The following ZFYVE28 variants were observed in gnomAD, a reference collection of about 807,000 sequenced individuals.
The protein encoded by ZFYVE28 is lateral signaling target protein 2 homolog.
Under a neutral mutation model 82.1 loss-of-function variants are expected in ZFYVE28, and 40 were observed. That is an observed-to-expected ratio of 0.49 (90% CI 0.38 to 0.63). The LOEUF is 0.63. Ranked by LOEUF, ZFYVE28 falls within the 30% of genes least tolerant of loss-of-function variation. ZFYVE28 has a pLI of 0.00. For synonymous variants in ZFYVE28, 612 were observed against 546.1 expected (o/e 1.12, Z -1.68); for missense variants, 1,321 against 1,242.1 (o/e 1.06, Z -0.96).
rs1184707470 is a variant in ZFYVE28, at chr4:2,348,627, C to T, written c.180+5306G>A. On this transcript the variant is annotated intron_variant, in intron 2 of 12. Transcript: ENST00000290974. ...TGCAGGAGTAATTTTTTTTAACATTCAAAAATCAATCAATGTATGCTTATG... is the reference window on the plus strand; with the variant it reads ...TGCAGGAGTAATTTTTTTTAACATTTAAAAATCAATCAATGTATGCTTATG... Among the ~76,000 whole-genome samples the T allele has an allele frequency of 3.3e-5, 5 of 152,080 alleles. No homozygotes were observed. The East Asian group carries it at 9.6e-4, about 29-fold the overall frequency.
intron 2 of ZFYVE28, among the ~76,000 whole-genome samples, chr4:2,347,534 T>A (rs1433223327): frequency 6.6e-6 from 1 of 152,152 alleles, no homozygotes; most frequent in African/African-American, 2.4e-5. Flanking sequence ...CAAGCCTCAA[T>A]ACGTGTAAAA....
rs1347627190 is a variant in ZFYVE28 at position 2,304,487 on chromosome 4, T to C, written c.1853A>G (p.Glu618Gly). Residue 618 changes from glutamate (E) to glycine (G), a missense_variant, in exon 8 of 13, where the codon GAA becomes GGA. Coordinates refer to ENST00000290974, the MANE Select transcript of ZFYVE28 (RefSeq NM_020972.3). ...ERQEEAPPPS[E>G]DASNGREPKA... ...GGGCTCCCGCCCGTTGGAGGCATCTTCTGAGGGTGGGGGCGCCTCCTCCTG... is the reference window on the plus strand; with the variant it reads ...GGGCTCCCGCCCGTTGGAGGCATCTCCTGAGGGTGGGGGCGCCTCCTCCTG... 6.2e-7 allele frequency: 1 copy of C among 1,613,146 alleles called. No homozygotes were observed. The highest frequency in any genetic ancestry group is 8.5e-7 in the Non-Finnish European group (1 of 1,179,778).
At chr4:2,340,987 G>A (rs1444118738) in intron 3 of ZFYVE28, among the ~76,000 whole-genome samples, 1 of 152,016 alleles carries the variant, frequency 6.6e-6, no homozygotes, top group Non-Finnish European at 1.5e-5. Flanking sequence ...GGGCCTGGGG[G>A]AGACTGTTCC....
In ZFYVE28 at chr4:2,396,964, C is replaced by T. The variant is rs563491220; in HGVS notation, c.39+21321G>A. ...TCAACGATCACTCTGGCTGCTGTGC[C>T]GAGAACAGCCGGGTGGGGCAGGACA... On this transcript the variant is annotated intron_variant, in intron 1 of 12. Transcript: ENST00000290974. Among the ~76,000 whole-genome samples the T allele has an allele frequency of 2.4e-4, 37 of 152,236 alleles. No homozygotes were observed. In the East Asian group the frequency reaches 5.6e-3, roughly 23 times the overall value.
intron 1 of ZFYVE28, among the ~76,000 whole-genome samples, chr4:2,355,244 A>C (rs1725105521): frequency 4.4e-5 from 1 of 22,716 alleles, no homozygotes; most frequent in Admixed American, 4.4e-4. Flanking sequence ...ATATATATAT[A>C]TATATATATA....
intron 2 of ZFYVE28, among the ~76,000 whole-genome samples, chr4:2,348,531 T>A (rs1723906517): frequency 6.6e-6 from 1 of 152,134 alleles, no homozygotes; most frequent in African/African-American, 2.4e-5. Flanking sequence ...CCTAACAAAA[T>A]TTTAGGAAAC....
chr4:2,270,742 C>T lies in ZFYVE28; in HGVS notation c.2647G>A (p.Asp883Asn), dbSNP rs746822735. Reference protein sequence around the residue: ...YMFHVTPFYSDKAGL With the variant: ...YMFHVTPFYSNKAGL ...GCACCACGTCACAGGCCGGCCTTGTCGCTGTAGAAGGGCGTGACATGGAAC... is the reference window on the plus strand; with the variant it reads ...GCACCACGTCACAGGCCGGCCTTGTTGCTGTAGAAGGGCGTGACATGGAAC... The change falls in exon 13 of 13, where the codon GAC becomes AAC. Residue 883 changes from aspartate (D) to asparagine (N), a missense_variant. By Grantham distance (23) the Asp-to-Asn change is conservative. This residue lies in a region of ZFYVE28 where 978 missense variants were observed against 833.7 expected (regional missense o/e 1.17). Transcript: ENST00000290974. The T allele has an allele frequency of 8.7e-6, 14 of 1,613,076 alleles. No homozygotes were observed. Among genetic ancestry groups the T allele is most frequent in the African/African-American group, 2.7e-5 (2 of 74,926 alleles).
At chr4:2,337,367 C>G in intron 5 of ZFYVE28, 40 bp downstream of exon 5, 1 of 1,549,334 alleles carries the variant, frequency 6.5e-7, no homozygotes, top group Non-Finnish European at 8.8e-7. Context: ...CAGGGACTCC[C>G]CAGATGCTGC....
chr4:2,392,059 C>T (rs957457021), intron 1 of ZFYVE28, among the ~76,000 whole-genome samples: 1 of 151,262 alleles, frequency 6.6e-6, no homozygotes, highest in African/African-American at 2.4e-5. Flanking sequence ...GAGGCTGAGG[C>T]AGGAGGATCA....
chr4:2,380,802 C>T (rs1326720049), intron 1 of ZFYVE28, among the ~76,000 whole-genome samples: 1 of 152,158 alleles, frequency 6.6e-6, no homozygotes, highest in Non-Finnish European at 1.5e-5. Context: ...TAAGAAGTGC[C>T]TTTTGCCTCC....
At chr4:2,401,083 TG>T (rs1394964556) in intron 1 of ZFYVE28, among the ~76,000 whole-genome samples, 1 of 151,968 alleles carries the variant, frequency 6.6e-6, no homozygotes, top group Admixed American at 6.5e-5. Context: ...CAGTGGGGGA[TG>T]GAAACTGGTA....
chr4:2,320,138 C>T lies in ZFYVE28; in HGVS notation c.803+32G>A. 6.5e-7 allele frequency: 1 copy of T among 1,534,370 alleles called. No individual in the cohort carries two copies. The highest frequency in any genetic ancestry group is 9.0e-7 in the Non-Finnish European group (1 of 1,108,232). ...CACCTGTGGCCCTCCTGTCCCCCTC[C>T]CCTCCCCCACCTCCTCTAGCTCCAT... On this transcript the variant is annotated intron_variant, in intron 7 of 12. Coordinates refer to ENST00000290974, the MANE Select transcript of ZFYVE28 (RefSeq NM_020972.3). This position sits in a 1 kb window ranked among gnomAD's most constrained non-coding sequence, Gnocchi z 5.1.
In ZFYVE28 at chr4:2,355,454, G is replaced by T. The variant is rs189422292; in HGVS notation, c.40-1381C>A. On this transcript the variant is annotated intron_variant, in intron 1 of 12. Coordinates refer to ENST00000290974, the MANE Select transcript of ZFYVE28 (RefSeq NM_020972.3). ...CCATCACCACGCCCGGCCAATTTTT[G>T]TATTTTCTGTAGAGATGGGGTTTTA... Among the ~76,000 whole-genome samples the T allele has an allele frequency of 4.1e-3, 601 of 146,420 alleles. 4 individuals carry two copies. Among genetic ancestry groups the T allele is most frequent in the African/African-American group, 0.015 (578 of 39,714 alleles).
rs58958771 is a variant in ZFYVE28, at chr4:2,308,627, CAGAAAGAA to C, written c.804-3099_804-3092del. ...GAGAGAGAGAAAGAAAGAAAGAAGA[CAGAAAGAA>C]AGAAAGAAAGAAAGAAAGAAAGAAA... is the stretch of plus-strand genomic sequence containing the variant. On this transcript the variant is annotated intron_variant, in intron 7 of 12. Transcript: ENST00000290974. Among the ~76,000 whole-genome samples the C allele has an allele frequency of 6.9e-3, 546 of 79,562 alleles. 2 individuals carry two copies. The highest frequency in any genetic ancestry group is 0.011 in the East Asian group (30 of 2,652). 52.2% of individuals were successfully genotyped at this position (79,562 alleles called of 152,430 possible).
chr4:2,291,840 G>C (rs1042976262), intron 8 of ZFYVE28, among the ~76,000 whole-genome samples: 3 of 152,244 alleles, frequency 2.0e-5, no homozygotes, highest in African/African-American at 4.8e-5. Context: ...GGGAGGCTGA[G>C]GCTGGACAGC....
chr4:2,337,867 T>C (rs1722098147), intron 4 of ZFYVE28, among the ~76,000 whole-genome samples: 1 of 94,042 alleles, frequency 1.1e-5, no homozygotes, highest in Non-Finnish European at 2.0e-5. Context: ...CAAGACCTTT[T>C]CTCTTAAAAT....
intron 8 of ZFYVE28, among the ~76,000 whole-genome samples, chr4:2,303,819 TCAGCC>T (rs1716013349): frequency 6.6e-6 from 1 of 152,248 alleles, no homozygotes; most frequent in Non-Finnish European, 1.5e-5. Flanking sequence ...GCGTCTCGTT[TCAGCC>T]CGGTGTGAGC....
In ZFYVE28 at chr4:2,305,468, T is replaced by A; in HGVS notation, c.872A>T (p.Asp291Val). 1 of 1,612,954 alleles carries A rather than the reference T, an allele frequency of 6.2e-7. No homozygotes were observed. Among genetic ancestry groups the A allele is most frequent in the Non-Finnish European group, 8.5e-7 (1 of 1,180,026 alleles). The change falls in exon 8 of 13, where the codon GAC becomes GTC. Residue 291 changes from aspartate (D) to valine (V), a missense_variant. By Grantham distance (152) the Asp-to-Val change is radical (BLOSUM62 -3). This residue lies in a region of ZFYVE28 where 978 missense variants were observed against 833.7 expected (regional missense o/e 1.17). Coordinates refer to ENST00000290974, the MANE Select transcript of ZFYVE28 (RefSeq NM_020972.3). ...GTCTGCGCGGATGGGGAACTCCACG[T>A]CTTGGGAAATGCAGAGGTTCCGTTC... ...TLERNLCISQ[D>V]VEFPIRADVQ...
At chr4:2,344,226 G>C (rs1723199802) in intron 2 of ZFYVE28, among the ~76,000 whole-genome samples, 1 of 152,202 alleles carries the variant, frequency 6.6e-6, no homozygotes, top group African/African-American at 2.4e-5. Context: ...GGAGATCTGG[G>C]GAAGGTTTCA....
Sources: gnomAD v4.1 joint callset for allele counts (sites outside exome capture counted in the v4.1 genomes callset) on GRCh38, gnomAD v4.1.1 for gene constraint, gnomAD v4.1.1 regional missense constraint, Gnocchi (gnomAD v3.1) non-coding constraint, MANE v1.5 for transcripts, NCBI Gene and HGNC (gene_info 2026-07-23, HGNC 2026-07-21) for gene names.